The following PAPSS2 variants were observed in gnomAD, a reference collection of about 807,000 sequenced individuals.
The protein encoded by PAPSS2 is bifunctional 3'-phosphoadenosine 5'-phosphosulfate synthase 2.
PAPSS2 carries 61 observed loss-of-function variants against 66.5 expected under a neutral mutation model. The observed-to-expected ratio is 0.92, with a 90% confidence interval of 0.75 to 1.14. The LOEUF (loss-of-function observed/expected upper bound fraction) is 1.14, where lower values mean the gene tolerates loss of function less well. Ranked by LOEUF, PAPSS2 falls within the 50% of genes most tolerant of loss-of-function variation. PAPSS2 has a pLI of 0.00. For synonymous variants in PAPSS2, 289 were observed against 287.5 expected (o/e 1.01, Z -0.05); for missense variants, 708 against 789.6 (o/e 0.90, Z 1.24).
chr10:87,737,984 G>C (rs1448076346), intron 9 of PAPSS2, among the ~76,000 whole-genome samples: 2 of 152,102 alleles, frequency 1.3e-5, no homozygotes, highest in African/African-American at 4.8e-5. Context: ...TTGCTTTTTT[G>C]TGACTGGCTT....
intron 9 of PAPSS2, among the ~76,000 whole-genome samples, chr10:87,739,653 G>T (rs1035069761): frequency 1.3e-5 from 2 of 152,190 alleles, no homozygotes; most frequent in African/African-American, 4.8e-5. Flanking sequence ...GTTCAAAACT[G>T]TGTTCATAAT....
At chr10:87,686,582 G>A (rs1277140888) in intron 1 of PAPSS2, among the ~76,000 whole-genome samples, 1 of 152,146 alleles carries the variant, frequency 6.6e-6, no homozygotes, top group Non-Finnish European at 1.5e-5. Context: ...AAGGTTATGT[G>A]TAAAATCTGA....
rs141904760 is a variant in PAPSS2, at chr10:87,724,520, G to A, written c.880+2750G>A. ...AACAGAACAAACAGGATGCATATCTGTGTGTCTATCTATATACAGATATGC... is the reference window on the plus strand; with the variant it reads ...AACAGAACAAACAGGATGCATATCTATGTGTCTATCTATATACAGATATGC... On this transcript the variant is annotated intron_variant, in intron 8 of 12. Coordinates refer to ENST00000456849, the MANE Select transcript of PAPSS2 (RefSeq NM_001015880.2). Among the ~76,000 whole-genome samples, 284 of 151,398 alleles carry A rather than the reference G, an allele frequency of 1.9e-3. 3 individuals carry two copies. Among genetic ancestry groups the A allele is most frequent in the African/African-American group, 6.6e-3 (272 of 41,366 alleles).
chr10:87,689,396 C>T lies in PAPSS2; in HGVS notation c.28-19800C>T, dbSNP rs1020877298. On this transcript the variant is annotated intron_variant, in intron 1 of 12. Coordinates refer to ENST00000456849, the MANE Select transcript of PAPSS2 (RefSeq NM_001015880.2). The stretch of plus-strand genomic sequence containing the variant: ...AAGAACTTGTGGCCTGGGGGACAGG[C>T]GCAGTGGCCCAGGCCTGTAATCCCA... Among the ~76,000 whole-genome samples the T allele has an allele frequency of 6.1e-4, 90 of 147,986 alleles. 1 individual carries two copies. The highest frequency in any genetic ancestry group is 8.3e-4 in the Non-Finnish European group (56 of 67,194).
rs561662275 is a variant in PAPSS2, at chr10:87,717,469, G to A, written c.865+1626G>A. Among the ~76,000 whole-genome samples, 426 of 152,298 alleles carry A rather than the reference G, an allele frequency of 2.8e-3. 1 individual carries two copies. Among genetic ancestry groups the A allele is most frequent in the African/African-American group, 9.6e-3 (401 of 41,566 alleles). On this transcript the variant is annotated intron_variant, in intron 7 of 12. Coordinates refer to ENST00000456849, the MANE Select transcript of PAPSS2 (RefSeq NM_001015880.2). Reference sequence around the variant, plus strand: ...CAGGGTGGGCTAACAAAAAATCTTAGAGGCAAAAATGTTTGTGTTTTGATA... The same window carrying A: ...CAGGGTGGGCTAACAAAAAATCTTAAAGGCAAAAATGTTTGTGTTTTGATA...
intron 1 of PAPSS2, among the ~76,000 whole-genome samples, chr10:87,668,001 G>T (rs547966560): frequency 6.6e-6 from 1 of 152,116 alleles, no homozygotes; most frequent in African/African-American, 2.4e-5. Context: ...TGTTGGGTGT[G>T]TGCTTTTAAA....
chr10:87,687,902 C>T (rs781517427), intron 1 of PAPSS2, among the ~76,000 whole-genome samples: 6 of 152,122 alleles, frequency 3.9e-5, no homozygotes, highest in Non-Finnish European at 5.9e-5. Context: ...ATAGTTTTAT[C>T]TGGATTTGAT....
rs1429061976 is a variant in PAPSS2 at position 87,747,583 on chromosome 10, A to G, written c.*1613A>G. On this transcript the variant is annotated 3_prime_UTR_variant, in exon 13 of 13. Coordinates refer to ENST00000456849, the MANE Select transcript of PAPSS2 (RefSeq NM_001015880.2). ...AGGATTATAGTGCCTTAACCGATATATTTTGTGACTTAAAAAATACATTTA... is the reference window on the plus strand; with the variant it reads ...AGGATTATAGTGCCTTAACCGATATGTTTTGTGACTTAAAAAATACATTTA... 6.6e-6 allele frequency: 1 copy of G among 152,422 alleles called. No homozygotes were observed. Among genetic ancestry groups the G allele is most frequent in the Admixed American group, 6.6e-5 (1 of 15,266 alleles). The allele number at this position is 152,422 out of a possible 1,614,324, so 9.4% of individuals were successfully genotyped here.
intron 1 of PAPSS2, among the ~76,000 whole-genome samples, chr10:87,681,573 C>T (rs1231001746): frequency 1.3e-5 from 2 of 152,108 alleles, no homozygotes; most frequent in Non-Finnish European, 2.9e-5. Flanking sequence ...CTATAAAATT[C>T]ACCCATTTTA....
chr10:87,732,891 A>G (rs71477167), intron 9 of PAPSS2, among the ~76,000 whole-genome samples: 8,499 of 152,280 alleles, frequency 0.056, 337 homozygotes, highest in Non-Finnish European at 0.088. Context: ...CCAGGGAGCT[A>G]ATGGTGAGAA....
At chr10:87,734,782 T>C (rs1853777236) in intron 9 of PAPSS2, among the ~76,000 whole-genome samples, 1 of 149,310 alleles carries the variant, frequency 6.7e-6, no homozygotes, top group African/African-American at 2.5e-5. Flanking sequence ...ATCATGACCT[T>C]ATCTTGCTGA....
At chr10:87,681,499 G>T (rs188743830) in intron 1 of PAPSS2, among the ~76,000 whole-genome samples, 8 of 152,224 alleles carry the variant, frequency 5.3e-5, no homozygotes, top group Admixed American at 3.3e-4. Flanking sequence ...GCTAAGTCAA[G>T]GTTTTCATCA....
intron 1 of PAPSS2, among the ~76,000 whole-genome samples, chr10:87,668,392 A>G (rs2131894873): frequency 6.6e-6 from 1 of 152,318 alleles, no homozygotes; most frequent in South Asian, 2.1e-4. Context: ...ATAATTAACA[A>G]TAGCTACCAA....
chr10:87,660,454 T>A, intron 1 of PAPSS2: 1 of 217,392 alleles, frequency 4.6e-6, no homozygotes, highest in Non-Finnish European at 9.1e-6. Context: ...GAGTGGGCTT[T>A]AATGACGGAC....
intron 1 of PAPSS2, among the ~76,000 whole-genome samples, chr10:87,690,235 G>A (rs369739717): frequency 1.3e-4 from 20 of 152,176 alleles, no homozygotes; most frequent in Middle Eastern, 3.4e-3. Context: ...TTCATACACC[G>A]GAACATTATG....
intron 1 of PAPSS2, among the ~76,000 whole-genome samples, chr10:87,681,031 G>C (rs1027771552): frequency 2.6e-5 from 4 of 152,148 alleles, no homozygotes; most frequent in Admixed American, 2.0e-4. Flanking sequence ...GAGGGACATT[G>C]AGCAATGTCT....
chr10:87,676,859 T>C (rs1164376531), intron 1 of PAPSS2, among the ~76,000 whole-genome samples: 1 of 98,964 alleles, frequency 1.0e-5, no homozygotes, highest in African/African-American at 4.2e-5. Context: ...GATGACAGAA[T>C]GAGACCCTGT....
At chr10:87,717,491 G>A (rs971272458) in intron 7 of PAPSS2, among the ~76,000 whole-genome samples, 6 of 152,148 alleles carry the variant, frequency 3.9e-5, no homozygotes, top group African/African-American at 1.4e-4. Context: ...TTTGTGTTTT[G>A]ATAAGGGAAG....
At chr10:87,688,586 A>G (rs952049631) in intron 1 of PAPSS2, among the ~76,000 whole-genome samples, 6 of 151,756 alleles carry the variant, frequency 4.0e-5, no homozygotes, top group East Asian at 1.9e-4. Context: ...CAGCCTCCCC[A>G]GTAGCTGGGA....
Sources: allele counts gnomAD v4.1 joint callset (sites outside exome capture counted in the v4.1 genomes callset), GRCh38; gene constraint gnomAD v4.1.1; transcripts MANE v1.5; gene names NCBI Gene and HGNC (gene_info 2026-07-23, HGNC 2026-07-21).